Variants in SCAMP1 observed in about 807,000 individuals in gnomAD.
The protein encoded by SCAMP1 is secretory carrier-associated membrane protein 1.
SCAMP1 carries 15 observed loss-of-function variants against 41.8 expected under a neutral mutation model. The ratio of observed to expected loss-of-function variants is 0.36; its 90% CI spans 0.24 to 0.55. The LOEUF is 0.55. SCAMP1 is among the 20% of genes least tolerant of loss of function. SCAMP1 has a pLI of 0.86. For missense variants in SCAMP1, 341 were observed against 412.6 expected, an observed-to-expected ratio of 0.83 and a Z score of 1.50; for synonymous variants, 135 against 136.8, an observed-to-expected ratio of 0.99 and a Z score of 0.09.
chr5:78,398,355 C>CTTTTTTTTT lies in SCAMP1; in HGVS notation c.135+9460_135+9468dup, dbSNP rs1197381285. On this transcript the variant is annotated intron_variant, in intron 2 of 8. Transcript: ENST00000621999. ...CTATAGTTTATCCTAGGGTTCACCT[C>CTTTTTTTTT]TTTTTTTTTTTTTTTTTTTTTTTTT... Among the ~76,000 whole-genome samples the CTTTTTTTTT allele has an allele frequency of 3.1e-4, 18 of 57,486 alleles. 3 individuals carry two copies. Among genetic ancestry groups the CTTTTTTTTT allele is most frequent in the African/African-American group, 1.3e-3 (18 of 13,386 alleles). The allele number at this position is 57,486 out of a possible 152,430, so 37.7% of individuals were successfully genotyped here.
chr5:78,441,246 A>C (rs1236653990), intron 6 of SCAMP1, among the ~76,000 whole-genome samples: 4 of 152,176 alleles, frequency 2.6e-5, no homozygotes, highest in Non-Finnish European at 5.9e-5. Flanking sequence ...AACCAGGTAC[A>C]TCAGTTGGAA....
intron 6 of SCAMP1, among the ~76,000 whole-genome samples, chr5:78,430,047 GTATT>G (rs1376211077): frequency 1.7e-5 from 2 of 117,956 alleles, no homozygotes; most frequent in South Asian, 2.7e-4. Context: ...AGTATTTACA[GTATT>G]TATTTATAAA....
chr5:78,461,399 C>G (rs1354141906), intron 8 of SCAMP1, among the ~76,000 whole-genome samples: 1 of 152,166 alleles, frequency 6.6e-6, no homozygotes, highest in African/African-American at 2.4e-5. Context: ...ATGTGGCTAG[C>G]CAGTTTACCC....
chr5:78,363,888 T>C (rs1209867410), intron 1 of SCAMP1, among the ~76,000 whole-genome samples: 2 of 152,204 alleles, frequency 1.3e-5, no homozygotes, highest in Non-Finnish European at 2.9e-5. Context: ...GAAATTTGAA[T>C]GGCTTTCATT....
intron 2 of SCAMP1, among the ~76,000 whole-genome samples, chr5:78,399,239 T>A (rs994817682): frequency 3.9e-5 from 6 of 152,228 alleles, no homozygotes; most frequent in Admixed American, 3.9e-4. Context: ...TCTTAATTAC[T>A]ACCAAATTTT....
At chr5:78,381,104 A>G (rs937518150) in intron 1 of SCAMP1, among the ~76,000 whole-genome samples, 2 of 152,160 alleles carry the variant, frequency 1.3e-5, no homozygotes, top group African/African-American at 4.8e-5. Context: ...AAGAGTTCAC[A>G]GTCTAATTGG....
At position 78,477,848 on chromosome 5, in the gene SCAMP1, C is replaced by T. The variant is rs985405337; in HGVS notation, c.*2180C>T. ...TCAAGTATGAAAGGAACTTTAAATT[C>T]TTATATTTACTTTTCTCTCAGTAAA... On this transcript the variant is annotated 3_prime_UTR_variant, in exon 9 of 9. Coordinates refer to ENST00000621999, the MANE Select transcript of SCAMP1 (RefSeq NM_004866.6). The T allele has an allele frequency of 6.6e-6, 1 of 151,934 alleles. No individual in the cohort carries two copies. The highest frequency in any genetic ancestry group is 2.4e-5 in the African/African-American group (1 of 41,368). The allele number at this position is 151,934 out of a possible 1,614,324, so 9.4% of individuals were successfully genotyped here. A position where few individuals can be genotyped will look rare whatever the true frequency, so the allele number is the denominator to read the frequency against.
intron 1 of SCAMP1, among the ~76,000 whole-genome samples, chr5:78,368,464 A>G (rs937849846): frequency 6.6e-6 from 1 of 152,236 alleles, no homozygotes; most frequent in African/African-American, 2.4e-5. Context: ...ATAAATGCAG[A>G]TCCAAATAAT....
At chr5:78,461,328 A>G (rs933524816) in intron 8 of SCAMP1, among the ~76,000 whole-genome samples, 2 of 152,174 alleles carry the variant, frequency 1.3e-5, no homozygotes, top group African/African-American at 4.8e-5. Context: ...TTAAGTCTTC[A>G]ATCCATCTTG....
intron 6 of SCAMP1, among the ~76,000 whole-genome samples, chr5:78,431,193 C>T (rs985230538): frequency 2.6e-5 from 4 of 151,806 alleles, no homozygotes; most frequent in African/African-American, 4.8e-5. Flanking sequence ...ATTAACACTC[C>T]TGCATGCACT....
At chr5:78,441,149 T>G (rs1752912463) in intron 6 of SCAMP1, among the ~76,000 whole-genome samples, 2 of 152,188 alleles carry the variant, frequency 1.3e-5, no homozygotes, top group African/African-American at 4.8e-5. Context: ...CTGACCCCTT[T>G]CACTTCCCAG....
intron 2 of SCAMP1, among the ~76,000 whole-genome samples, chr5:78,405,841 C>A: frequency 6.6e-6 from 1 of 152,268 alleles, no homozygotes; most frequent in South Asian, 2.1e-4. Flanking sequence ...TTTCTTCTTT[C>A]CTATTACACA....
chr5:78,451,808 C>T (rs1753238759), intron 7 of SCAMP1, among the ~76,000 whole-genome samples: 1 of 152,166 alleles, frequency 6.6e-6, no homozygotes, highest in South Asian at 2.1e-4. Flanking sequence ...GCGCCTGCCA[C>T]CCAGCCCAGC....
intron 2 of SCAMP1, among the ~76,000 whole-genome samples, chr5:78,396,984 A>G (rs1380047728): frequency 1.3e-5 from 2 of 152,228 alleles, no homozygotes; most frequent in Non-Finnish European, 2.9e-5. Flanking sequence ...AAGCGCAAAT[A>G]GACAACTCTT....
In SCAMP1 at chr5:78,418,123, T is replaced by TC. The variant is rs201221930; in HGVS notation, c.344-651dup. 9.7e-3 allele frequency among the ~76,000 whole-genome samples: 1,475 copies of TC among 152,292 alleles called. 9 individuals carry two copies. Among genetic ancestry groups the TC allele is most frequent in the Non-Finnish European group, 0.013 (896 of 68,026 alleles). ...TCCCTTTACAGTTTGAATTTGTTTT[T>TC]CTCTGCATTTTTAAAGGTTCTATAA... On this transcript the variant is annotated intron_variant, in intron 4 of 8. Transcript: ENST00000621999.
chr5:78,473,426 ATTC>A (rs1486405398), intron 8 of SCAMP1, among the ~76,000 whole-genome samples: 1 of 152,068 alleles, frequency 6.6e-6, no homozygotes, highest in Non-Finnish European at 1.5e-5. Context: ...TCTCCCAGTC[ATTC>A]TTTCTTCTTG....
chr5:78,455,690 T>C (rs1753375431), intron 7 of SCAMP1, among the ~76,000 whole-genome samples: 1 of 137,078 alleles, frequency 7.3e-6, no homozygotes, highest in Non-Finnish European at 1.6e-5. Context: ...TCTGTAGATG[T>C]CTATTAGGTC....
chr5:78,450,180 T>C, intron 7 of SCAMP1, 146 bp downstream of exon 7: 1 of 568,264 alleles, frequency 1.8e-6, no homozygotes, highest in Non-Finnish European at 3.0e-6. Context: ...TTTTAAAATG[T>C]CATAAGGCAT....
chr5:78,396,484 T>A (rs1173302726), intron 2 of SCAMP1, among the ~76,000 whole-genome samples: 1 of 152,224 alleles, frequency 6.6e-6, no homozygotes, highest in Non-Finnish European at 1.5e-5. Context: ...GTTTTTGACA[T>A]GTTGGATTTG....
Sources: gnomAD v4.1 joint callset for allele counts (sites outside exome capture counted in the v4.1 genomes callset) on GRCh38, gnomAD v4.1.1 for gene constraint, MANE v1.5 for transcripts, NCBI Gene and HGNC (gene_info 2026-07-23, HGNC 2026-07-21) for gene names.